The following TM9SF4 variants were observed in gnomAD, a reference collection of about 807,000 sequenced individuals.
The protein encoded by TM9SF4 is transmembrane 9 superfamily member 4, also known as dinucleotide oxidase disulfide thiol exchanger 3 superfamily member 4.
Under a neutral mutation model 90.4 loss-of-function variants are expected in TM9SF4, and 26 were observed. That is an observed-to-expected ratio of 0.29 (90% CI 0.21 to 0.40). TM9SF4 has a LOEUF of 0.40. Among genes scored for constraint, TM9SF4 ranks in the 10% least tolerant of loss-of-function variants. TM9SF4 has a pLI of 1.00. For synonymous variants in TM9SF4, 293 were observed against 315.4 expected, an observed-to-expected ratio of 0.93 and a Z score of 0.75; for missense variants, 549 against 834.8, an observed-to-expected ratio of 0.66 and a Z score of 4.22.
intron 3 of TM9SF4, chr20:32,136,845 A>T (rs531650207): frequency 4.2e-6 from 2 of 471,046 alleles, no homozygotes; most frequent in Non-Finnish European, 8.8e-6. Context: ...GACCTCAGGG[A>T]ACTTAAGAGA....
intron 1 of TM9SF4, among the ~76,000 whole-genome samples, chr20:32,123,040 G>A (rs1467313144): frequency 1.3e-5 from 2 of 149,898 alleles, no homozygotes; most frequent in Non-Finnish European, 3.0e-5. Flanking sequence ...GTGGCGGCGT[G>A]CGCCTGCAAT....
Position 32,161,311 on chromosome 20 carries a change from C to T in TM9SF4, c.1725C>T (p.Ser575=), listed in dbSNP as rs760551661. The part of the protein sequence containing the change: ...YRWWWRNFLV[S]GGSAFYVLVY... ...GGTGGTGGAGAAATTTCCTAGTCTC[C>T]GGGGGCTCTGCATTCTACGTCCTGG... Residue 575 remains serine (S), a synonymous_variant, in exon 17 of 18, where the codon TCC becomes TCT. Coordinates refer to ENST00000398022, the MANE Select transcript of TM9SF4 (RefSeq NM_014742.4). 9.9e-6 allele frequency: 16 copies of T among 1,613,828 alleles called. No individual in the cohort carries two copies. The highest frequency in any genetic ancestry group is 2.2e-5 in the East Asian group (1 of 44,896).
In TM9SF4 at chr20:32,163,606, ATTT is replaced by A. The variant is rs397866148; in HGVS notation, c.1780-1668_1780-1666del. Among the ~76,000 whole-genome samples, 138 of 99,340 alleles carry A rather than the reference ATTT, an allele frequency of 1.4e-3. 1 individual carries two copies. The highest frequency in any genetic ancestry group is 4.8e-3 in the African/African-American group (111 of 23,108). The allele number at this position is 99,340 out of a possible 152,430, so 65.2% of individuals were successfully genotyped here. A position where few individuals can be genotyped will look rare whatever the true frequency, so the allele number is the denominator to read the frequency against. ...GACTGGCTTAGGTCTTGTGCTAGGA[ATTT>A]TTTTTTTTTTTTTTTTTTTTGAGAT... On this transcript the variant is annotated intron_variant, in intron 17 of 17. Coordinates refer to ENST00000398022, the MANE Select transcript of TM9SF4 (RefSeq NM_014742.4).
chr20:32,111,954 TA>T (rs1242235837), intron 1 of TM9SF4, among the ~76,000 whole-genome samples: 1 of 152,220 alleles, frequency 6.6e-6, no homozygotes, highest in East Asian at 1.9e-4. Flanking sequence ...GACTGCGGTC[TA>T]CATTTTGTTG....
intron 1 of TM9SF4, among the ~76,000 whole-genome samples, chr20:32,121,195 T>G (rs923836625): frequency 2.9e-5 from 4 of 140,282 alleles, no homozygotes; most frequent in Non-Finnish European, 4.6e-5. Flanking sequence ...GTGCCTCTTT[T>G]TTTTTTTATT....
intron 13 of TM9SF4, among the ~76,000 whole-genome samples, chr20:32,157,009 A>G (rs2046935242): frequency 7.6e-6 from 1 of 132,348 alleles, no homozygotes; most frequent in South Asian, 2.4e-4. Context: ...GTGGAGTGGC[A>G]AGGTCTCAGT....
rs770463019 is a variant in TM9SF4, at chr20:32,130,008, C to T, written c.16-3005C>T. Among the ~76,000 whole-genome samples, 26 of 152,280 alleles carry T rather than the reference C, an allele frequency of 1.7e-4. No homozygotes were observed. The Middle Eastern group carries it at 0.01, about 60-fold the overall frequency. On this transcript the variant is annotated intron_variant, in intron 1 of 17. Transcript: ENST00000398022. ...GAATTACAGAGTCAAAGAGTATGTA[C>T]TTTTGGGGGACTTTTGGATACAGAG...
intron 1 of TM9SF4, among the ~76,000 whole-genome samples, chr20:32,111,805 G>C (rs1244767788): frequency 6.6e-6 from 1 of 152,178 alleles, no homozygotes; most frequent in Non-Finnish European, 1.5e-5. Flanking sequence ...GTGGAAGGGA[G>C]CTTGGTGTTT....
rs943164455 is a variant in TM9SF4 at position 32,128,263 on chromosome 20, C to T, written c.16-4750C>T. Among the ~76,000 whole-genome samples the T allele has an allele frequency of 6.6e-5, 10 of 152,216 alleles. No homozygotes were observed. The East Asian group carries it at 1.9e-3, about 29-fold the overall frequency. The stretch of plus-strand genomic sequence containing the variant: ...AATCTAGTCAAAGAGAAATACAGAC[C>T]ACTACATCCCTTCTGAGAGGTTTGT... On this transcript the variant is annotated intron_variant, in intron 1 of 17. Transcript: ENST00000398022.
intron 13 of TM9SF4, 34 bp downstream of exon 13, chr20:32,155,220 C>CA (rs774726084): frequency 6.3e-7 from 1 of 1,575,876 alleles, no homozygotes; most frequent in Non-Finnish European, 8.7e-7. Flanking sequence ...AGCCCCTCCC[C>CA]AGCAAGCGAG....
chr20:32,165,539 C>G lies in TM9SF4; in HGVS notation c.*95C>G. On this transcript the variant is annotated 3_prime_UTR_variant, in exon 18 of 18. Transcript: ENST00000398022. ...CACGCAAAATAAAATAACTCCTGCT[C>G]GTTTGGAATGTAACTCCTGGCACAG... is the stretch of plus-strand genomic sequence containing the variant. 2 of 1,439,158 alleles carry G rather than the reference C, an allele frequency of 1.4e-6. No homozygotes were observed. The highest frequency in any genetic ancestry group is 1.9e-6 in the Non-Finnish European group (2 of 1,042,956). 89.1% of individuals were successfully genotyped at this position (1,439,158 alleles called of 1,614,324 possible).
intron 1 of TM9SF4, among the ~76,000 whole-genome samples, chr20:32,113,211 C>T (rs531291220): frequency 3.3e-5 from 5 of 152,234 alleles, no homozygotes; most frequent in African/African-American, 9.6e-5. Flanking sequence ...GGTGCAAGTG[C>T]GGTGGCATGT....
intron 1 of TM9SF4, among the ~76,000 whole-genome samples, chr20:32,125,241 C>G (rs967194449): frequency 6.6e-6 from 1 of 152,206 alleles, no homozygotes; most frequent in Admixed American, 6.5e-5. Flanking sequence ...TATCAAGCAC[C>G]TACTATGTGC....
In TM9SF4 at chr20:32,166,628, C is replaced by A. The variant is rs960501889; in HGVS notation, c.*1184C>A. On this transcript the variant is annotated 3_prime_UTR_variant, in exon 18 of 18. Transcript: ENST00000398022. ...TGGAAGGTAAGTTCTGTCGTTCTTT[C>A]CCCAATCCCCAGGAATGGACAAGAA... 6.6e-6 allele frequency: 1 copy of A among 152,326 alleles called. No homozygotes were observed. The highest frequency in any genetic ancestry group is 1.9e-4 in the East Asian group (1 of 5,194). The allele number at this position is 152,326 out of a possible 1,614,324, so 9.4% of individuals were successfully genotyped here.
chr20:32,159,927 T>A (rs979247586), intron 15 of TM9SF4, 65 bp from the exon 16 acceptor site: 1 of 1,606,750 alleles, frequency 6.2e-7, no homozygotes. Context: ...TTGTGACAGG[T>A]TGGTGTGCCA....
chr20:32,121,651 C>A (rs1300506626), intron 1 of TM9SF4, among the ~76,000 whole-genome samples: 1 of 152,200 alleles, frequency 6.6e-6, no homozygotes, highest in African/African-American at 2.4e-5. Context: ...CCTTCCCCAC[C>A]CCTCCCGCCT....
intron 1 of TM9SF4, among the ~76,000 whole-genome samples, chr20:32,120,458 T>C (rs1275423774): frequency 6.7e-6 from 1 of 150,352 alleles, no homozygotes; most frequent in African/African-American, 2.5e-5. Context: ...GAAATACAAT[T>C]AATTTTTCTA....
In TM9SF4 at chr20:32,127,379, TACTTA is replaced by T. The variant is rs2046438233; in HGVS notation, c.16-5629_16-5625del. On this transcript the variant is annotated intron_variant, in intron 1 of 17. Transcript: ENST00000398022. ...CCACTTTCTGGCTGGATGGGCAAGT[TACTTA>T]ACTTCTGGGTCTCTGGGTCTCAGAT... Among the ~76,000 whole-genome samples, 5 of 152,296 alleles carry T rather than the reference TACTTA, an allele frequency of 3.3e-5. No homozygotes were observed. In the South Asian group the frequency reaches 1.0e-3, roughly 32 times the overall value.
chr20:32,115,410 G>A (rs2046203971), intron 1 of TM9SF4, among the ~76,000 whole-genome samples: 1 of 152,168 alleles, frequency 6.6e-6, no homozygotes. Context: ...GAGCCATCTG[G>A]CCACGGATGA....
Sources: gnomAD v4.1 joint callset for allele counts (sites outside exome capture counted in the v4.1 genomes callset) on GRCh38, gnomAD v4.1.1 for gene constraint, MANE v1.5 for transcripts, NCBI Gene and HGNC (gene_info 2026-07-23, HGNC 2026-07-21) for gene names.